The following RANBP17 variants were observed in gnomAD, a reference collection of about 807,000 sequenced individuals.
The protein encoded by RANBP17 is ran-binding protein 17.
Under a neutral mutation model 141.2 loss-of-function variants are expected in RANBP17, and 158 were observed. The ratio of observed to expected loss-of-function variants is 1.12; its 90% CI spans 0.98 to 1.28. The LOEUF (loss-of-function observed/expected upper bound fraction) is 1.28. Among genes scored for constraint, RANBP17 ranks in the 50% most tolerant of loss-of-function variants. The probability of loss-of-function intolerance (pLI) is 0.00; values close to 1 mark genes in which losing one functional copy is unlikely to be tolerated. For synonymous variants in RANBP17, 430 were observed against 450.0 expected (o/e 0.96, Z 0.56); for missense variants, 1,438 against 1,290.7 (o/e 1.11, Z -1.75).
intron 14 of RANBP17, among the ~76,000 whole-genome samples, chr5:171,083,644 GGCCAGCTGATATGGTGTGGCTGT>G (rs1464307425): frequency 6.6e-6 from 1 of 152,126 alleles, no homozygotes; most frequent in Non-Finnish European, 1.5e-5. Flanking sequence ...ATATGTGGAG[GGCCAGCTGATATGGTGTGGCTGT>G]GTCCCCATCC....
At chr5:171,081,133 T>C (rs1275008616) in intron 14 of RANBP17, among the ~76,000 whole-genome samples, 3 of 152,182 alleles carry the variant, frequency 2.0e-5, no homozygotes, top group Non-Finnish European at 4.4e-5. Flanking sequence ...GTTTAAAGCT[T>C]ATCCTTTTAC....
chr5:171,211,040 T>G (rs1762851868), intron 20 of RANBP17, among the ~76,000 whole-genome samples: 1 of 148,554 alleles, frequency 6.7e-6, no homozygotes, highest in Non-Finnish European at 1.5e-5. Flanking sequence ...TTCTTAACTC[T>G]GGATCCCCAG....
intron 14 of RANBP17, among the ~76,000 whole-genome samples, chr5:171,109,465 T>C (rs1755066849): frequency 6.6e-6 from 1 of 152,222 alleles, no homozygotes; most frequent in Non-Finnish European, 1.5e-5. Flanking sequence ...CTATGCATAT[T>C]GTTTTGAAAT....
At chr5:171,096,923 C>A (rs1786737981) in intron 14 of RANBP17, among the ~76,000 whole-genome samples, 1 of 152,080 alleles carries the variant, frequency 6.6e-6, no homozygotes, top group Non-Finnish European at 1.5e-5. Flanking sequence ...TTAAGAAAAT[C>A]ATCTTTAGTA....
At chr5:170,949,018 G>A (rs991529463) in intron 12 of RANBP17, among the ~76,000 whole-genome samples, 1 of 152,070 alleles carries the variant, frequency 6.6e-6, no homozygotes, top group African/African-American at 2.4e-5. Context: ...AGGTAGCTAT[G>A]TTGATGTGGG....
chr5:171,089,497 C>G (rs1420035300), intron 14 of RANBP17, among the ~76,000 whole-genome samples: 1 of 152,098 alleles, frequency 6.6e-6, no homozygotes, highest in East Asian at 1.9e-4. Flanking sequence ...CCAGCTCGAG[C>G]TTCCCGGCTG....
intron 14 of RANBP17, among the ~76,000 whole-genome samples, chr5:170,976,239 T>C (rs1777369553): frequency 6.6e-6 from 1 of 152,138 alleles, no homozygotes; most frequent in Non-Finnish European, 1.5e-5. Flanking sequence ...AAACATTCCA[T>C]TATAATAGAA....
At chr5:171,132,524 A>T (rs1275093096) in intron 14 of RANBP17, among the ~76,000 whole-genome samples, 1 of 152,016 alleles carries the variant, frequency 6.6e-6, no homozygotes, top group Non-Finnish European at 1.5e-5. Flanking sequence ...GGAGTTCAAG[A>T]CCAGTCTAGG....
At chr5:170,987,746 A>G (rs914134714) in intron 14 of RANBP17, among the ~76,000 whole-genome samples, 4 of 151,756 alleles carry the variant, frequency 2.6e-5, no homozygotes, top group Non-Finnish European at 5.9e-5. Context: ...AATGAATTCC[A>G]TAAGTGCATT....
chr5:171,025,581 T>A (rs555730893), intron 14 of RANBP17, among the ~76,000 whole-genome samples: 1 of 143,666 alleles, frequency 7.0e-6, no homozygotes, highest in East Asian at 1.9e-4. Context: ...TTTTTTCTTT[T>A]TTTCTTTTTT....
At chr5:170,920,075 G>A (rs942527998) in intron 11 of RANBP17, among the ~76,000 whole-genome samples, 2 of 151,984 alleles carry the variant, frequency 1.3e-5, no homozygotes, top group African/African-American at 4.8e-5. Context: ...CTGGACTTTT[G>A]AGTTGTTTAT....
chr5:171,223,503 C>T (rs1476489565), intron 22 of RANBP17, among the ~76,000 whole-genome samples: 6 of 152,006 alleles, frequency 3.9e-5, no homozygotes, highest in Admixed American at 6.6e-5. Flanking sequence ...GGCGTGGTGG[C>T]GGGCACCTGT....
intron 14 of RANBP17, among the ~76,000 whole-genome samples, chr5:170,984,473 A>G (rs111870973): frequency 2.5e-4 from 38 of 152,152 alleles, no homozygotes; most frequent in African/African-American, 8.9e-4. Context: ...AAAAAATTCT[A>G]AAAATTAGCT....
At chr5:171,038,913 G>T (rs757684383) in intron 14 of RANBP17, among the ~76,000 whole-genome samples, 10 of 152,008 alleles carry the variant, frequency 6.6e-5, no homozygotes, top group African/African-American at 9.7e-5. Context: ...GTATTGACTT[G>T]TAGTTTTCTT....
intron 14 of RANBP17, among the ~76,000 whole-genome samples, chr5:171,111,319 A>G (rs1332763670): frequency 3.3e-5 from 5 of 152,114 alleles, no homozygotes; most frequent in Admixed American, 2.6e-4. Context: ...TGCTAAGTGA[A>G]TGTCATTCTT....
At chr5:170,961,472 A>G (rs1776145832) in intron 13 of RANBP17, among the ~76,000 whole-genome samples, 1 of 152,236 alleles carries the variant, frequency 6.6e-6, no homozygotes, top group African/African-American at 2.4e-5. Flanking sequence ...ATGTAGGACA[A>G]TAAATTGAAA....
At chr5:171,284,069 C>T (rs1235795828) in intron 25 of RANBP17, among the ~76,000 whole-genome samples, 2 of 152,146 alleles carry the variant, frequency 1.3e-5, no homozygotes, top group African/African-American at 2.4e-5. Context: ...GCTGTTTCCC[C>T]GCTCCCTTCC....
In RANBP17 at chr5:171,022,723, A is replaced by G. The variant is rs146087512; in HGVS notation, c.1710+54346A>G. Among the ~76,000 whole-genome samples, 32 of 152,308 alleles carry G rather than the reference A, an allele frequency of 2.1e-4. No homozygotes were observed. In the East Asian group the frequency reaches 3.9e-3, roughly 18 times the overall value. On this transcript the variant is annotated intron_variant, in intron 14 of 27. Coordinates refer to ENST00000523189, the MANE Select transcript of RANBP17 (RefSeq NM_022897.5). Reference sequence around the variant, plus strand: ...GCCCAGGGAACTTAGCGTGTTAGGCAGTTGTGAGTCCCAGTGTTGTTTCAT... The same window carrying G: ...GCCCAGGGAACTTAGCGTGTTAGGCGGTTGTGAGTCCCAGTGTTGTTTCAT...
Position 170,910,964 on chromosome 5 carries a change from T to A in RANBP17, c.595-5T>A. On this transcript the variant is annotated splice_region_variant and splice_polypyrimidine_tract_variant and intron_variant, in intron 6 of 27. Transcript: ENST00000523189. ...GTGTTTTCTTTGATTTTGTACTTTT[T>A]TCAGGTGTTTGCCAAACCTTTAAAT... is the stretch of plus-strand genomic sequence containing the variant. 6.2e-7 allele frequency: 1 copy of A among 1,609,490 alleles called. No homozygotes were observed. Among genetic ancestry groups the A allele is most frequent in the Non-Finnish European group, 8.5e-7 (1 of 1,177,822 alleles).
Sources: allele counts gnomAD v4.1 joint callset (sites outside exome capture counted in the v4.1 genomes callset), GRCh38; gene constraint gnomAD v4.1.1; transcripts MANE v1.5; gene names NCBI Gene and HGNC (gene_info 2026-07-23, HGNC 2026-07-21).